STK39: variants seen among roughly 807,000 people sequenced by gnomAD.
The protein encoded by STK39 is STE20/SPS1-related proline-alanine-rich protein kinase.
In STK39, 20 loss-of-function variants were observed where a neutral mutation model predicts 77.8. The observed-to-expected ratio is 0.26, with a 90% CI of 0.18 to 0.37. The LOEUF (loss-of-function observed/expected upper bound fraction) is 0.37. STK39 is among the 10% of genes least tolerant of loss of function. The pLI, the probability that STK39 is intolerant of heterozygous loss-of-function variation, is 1.00. For synonymous variants in STK39, 246 were observed against 234.1 expected, an observed-to-expected ratio of 1.05 and a Z score of -0.47; for missense variants, 479 against 656.5, an observed-to-expected ratio of 0.73 and a Z score of 2.95.
At chr2:168,134,933 T>C (rs191838230) in intron 8 of STK39, among the ~76,000 whole-genome samples, 24 of 152,304 alleles carry the variant, frequency 1.6e-4, no homozygotes, top group African/African-American at 4.8e-4. Flanking sequence ...TAATAAAAAT[T>C]GGCAAAAATT....
chr2:168,113,119 T>C (rs990824154), intron 10 of STK39: 4 of 152,192 alleles, frequency 2.6e-5, no homozygotes, highest in African/African-American at 9.7e-5. Flanking sequence ...ATAGAAACTC[T>C]CCACACCATT....
chr2:168,017,187 A>T, intron 14 of STK39, 92 bp from the exon 15 acceptor site: 1 of 782,150 alleles, frequency 1.3e-6, no homozygotes. Context: ...TGCTACTAAC[A>T]TGTGGATAAC....
chr2:167,983,370 TTGG>T lies in STK39; in HGVS notation c.1499-18647_1499-18645del, dbSNP rs144189818. 2.2e-3 allele frequency among the ~76,000 whole-genome samples: 323 copies of T among 149,650 alleles called. 4 individuals carry two copies. The highest frequency in any genetic ancestry group is 7.5e-3 in the African/African-American group (306 of 40,714). On this transcript the variant is annotated intron_variant, in intron 16 of 17. Coordinates refer to ENST00000355999, the MANE Select transcript of STK39 (RefSeq NM_013233.3). Reference sequence around the variant, plus strand: ...GTCACATGCCTGTAATGCCAGCTACTTGGGAGGCTGAGGCAGGAGAATCGCTTG... The same window carrying T: ...GTCACATGCCTGTAATGCCAGCTACTGAGGCTGAGGCAGGAGAATCGCTTG...
intron 14 of STK39, among the ~76,000 whole-genome samples, chr2:168,039,722 A>G (rs1232239846): frequency 6.6e-5 from 10 of 152,144 alleles, no homozygotes; most frequent in Admixed American, 6.5e-4. Flanking sequence ...CTGTGTCTTG[A>G]TGACTGTGAT....
chr2:168,092,924 T>C (rs1476552308), intron 10 of STK39, among the ~76,000 whole-genome samples: 1 of 152,178 alleles, frequency 6.6e-6, no homozygotes, highest in East Asian at 1.9e-4. Context: ...GGGTACGGAA[T>C]CTTTCGCACA....
chr2:167,973,451 T>C (rs1692405711), intron 16 of STK39, among the ~76,000 whole-genome samples: 1 of 152,180 alleles, frequency 6.6e-6, no homozygotes, highest in Non-Finnish European at 1.5e-5. Flanking sequence ...CCAGAAAGGA[T>C]TTTGTATAGT....
chr2:168,054,758 A>C (rs747332393), intron 14 of STK39, among the ~76,000 whole-genome samples: 1 of 120,072 alleles, frequency 8.3e-6, no homozygotes. Flanking sequence ...TCTTCTCAAA[A>C]TTTGGTTGTT....
intron 16 of STK39, among the ~76,000 whole-genome samples, chr2:167,985,926 T>C (rs1007793928): frequency 8.5e-5 from 13 of 152,320 alleles, no homozygotes; most frequent in Admixed American, 3.9e-4. Context: ...TCTATCTTAT[T>C]CATTAAACAA....
chr2:168,110,575 G>A (rs1046716017), intron 10 of STK39, among the ~76,000 whole-genome samples: 9 of 151,934 alleles, frequency 5.9e-5, no homozygotes, highest in Admixed American at 4.6e-4. Context: ...ATCTCATCTC[G>A]GAACTATTAC....
At position 168,074,997 on chromosome 2, in the gene STK39, T is replaced by C; in HGVS notation, c.1227A>G (p.Lys409=). Residue 409 remains lysine (K), a synonymous_variant, in exon 12 of 18, where the codon AAA becomes AAG. Coordinates refer to ENST00000355999, the MANE Select transcript of STK39 (RefSeq NM_013233.3). ...CACAGCTCACCTCTGGATTTTCTTC[T>C]TTTACTCTTCGTGACTGTAAAACAA... ...AFSQEKSRRV[K]EENPEIAVSA... is the part of the protein sequence containing the mutation. The C allele has an allele frequency of 6.2e-7, 1 of 1,613,790 alleles. No homozygotes were observed. The highest frequency in any genetic ancestry group is 2.2e-5 in the East Asian group (1 of 44,878).
At chr2:168,059,461 G>A (rs765845540) in intron 14 of STK39, among the ~76,000 whole-genome samples, 7 of 152,136 alleles carry the variant, frequency 4.6e-5, no homozygotes, top group Admixed American at 6.5e-5. Flanking sequence ...TGAGGGTGGC[G>A]TAGTGGAGAT....
In STK39 at chr2:168,247,504, C is replaced by A; in HGVS notation, c.-69G>T. 1 of 1,181,164 alleles carries A rather than the reference C, an allele frequency of 8.5e-7. No individual in the cohort carries two copies. The highest frequency in any genetic ancestry group is 1.1e-6 in the Non-Finnish European group (1 of 941,616). 73.2% of individuals were successfully genotyped at this position (1,181,164 alleles called of 1,614,324 possible). A position where few individuals can be genotyped will look rare whatever the true frequency, so the allele number is the denominator to read the frequency against. ...ACCTTCCACTTGAAACTTCCTTTGC[C>A]TCGCCGCCGACACCTCTCGGCCGGC... On this transcript the variant is annotated 5_prime_UTR_variant, in exon 1 of 18. In the 5' UTR this introduces an upstream ATG that the reference lacks. Transcript: ENST00000355999.
At chr2:168,144,008 T>C (rs1228164775) in intron 5 of STK39, among the ~76,000 whole-genome samples, 1 of 152,228 alleles carries the variant, frequency 6.6e-6, no homozygotes, top group Admixed American at 6.5e-5. Flanking sequence ...ACCCTGGCTC[T>C]TGGTGAGTAA....
chr2:168,197,625 A>T (rs1185949503), intron 1 of STK39, among the ~76,000 whole-genome samples: 1 of 152,254 alleles, frequency 6.6e-6, no homozygotes, highest in African/African-American at 2.4e-5. Context: ...CCTATAAAGA[A>T]ATGTTACGTA....
intron 16 of STK39, among the ~76,000 whole-genome samples, chr2:168,002,839 T>G (rs1446708239): frequency 1.2e-4 from 18 of 152,182 alleles, no homozygotes; most frequent in Non-Finnish European, 4.4e-5. Flanking sequence ...TTTGTGTTCG[T>G]GTGTGTGTGC....
intron 10 of STK39, among the ~76,000 whole-genome samples, chr2:168,100,821 C>G (rs898835235): frequency 3.9e-5 from 6 of 152,028 alleles, no homozygotes; most frequent in Non-Finnish European, 8.8e-5. Context: ...GATCTAGAAC[C>G]AGAAACACAA....
At position 168,247,587 on chromosome 2, in the gene STK39, G is replaced by A; in HGVS notation, c.-152C>T. The A allele has an allele frequency of 5.4e-6, 2 of 370,120 alleles. No individual in the cohort carries two copies. Among genetic ancestry groups the A allele is most frequent in the Non-Finnish European group, 7.9e-6 (2 of 254,196 alleles). 22.9% of individuals were successfully genotyped at this position (370,120 alleles called of 1,614,324 possible). The stretch of plus-strand genomic sequence containing the variant: ...GTCCCCGCCGAAGCCAGCTAGGAGG[G>A]GAGGGAGCAAGGGAGGCCGAGCTGG... On this transcript the variant is annotated 5_prime_UTR_variant, in exon 1 of 18. Transcript: ENST00000355999.
rs185080138 is a variant in STK39, at chr2:168,125,612, A to G, written c.1089+3929T>C. 1.3e-3 allele frequency among the ~76,000 whole-genome samples: 193 copies of G among 152,294 alleles called. 1 individual carries two copies. Among genetic ancestry groups the G allele is most frequent in the Middle Eastern group, 6.8e-3 (2 of 294 alleles). ...CTCAGACTAGAGCCAAAGAAAATCA[A>G]GATGATCCCTAAACAACACTGTCAG... On this transcript the variant is annotated intron_variant, in intron 10 of 17. Transcript: ENST00000355999.
At chr2:168,168,691 T>C (rs749483159) in intron 2 of STK39, among the ~76,000 whole-genome samples, 3 of 152,198 alleles carry the variant, frequency 2.0e-5, no homozygotes, top group Non-Finnish European at 4.4e-5. Context: ...AACATATATG[T>C]TTATTTAAAG....
Sources: gnomAD v4.1 joint callset for allele counts (sites outside exome capture counted in the v4.1 genomes callset) on GRCh38, gnomAD v4.1.1 for gene constraint, MANE v1.5 for transcripts, NCBI Gene and HGNC (gene_info 2026-07-23, HGNC 2026-07-21) for gene names.